The following TBCK variants were observed in gnomAD, a reference collection of about 807,000 sequenced individuals.
TBCK encodes TBC1 domain containing kinase, also known as TBC domain-containing protein kinase-like protein.
A neutral mutation model predicts 113.4 loss-of-function variants in TBCK; 99 were observed. That is an observed-to-expected ratio of 0.87 (90% CI 0.74 to 1.03). The LOEUF (loss-of-function observed/expected upper bound fraction) is 1.03. TBCK is among the 50% of genes least tolerant of loss of function. The pLI is 0.00. For missense variants in TBCK, 1,045 were observed against 1,061.3 expected, an observed-to-expected ratio of 0.98 and a Z score of 0.21; for synonymous variants, 369 against 370.8, an observed-to-expected ratio of 1.00 and a Z score of 0.05.
At chr4:106,100,558 G>C (rs1716403869) in intron 24 of TBCK, among the ~76,000 whole-genome samples, 1 of 151,526 alleles carries the variant, frequency 6.6e-6, no homozygotes, top group South Asian at 2.1e-4. Flanking sequence ...TTTATGACAG[G>C]ATATGAATGA....
chr4:106,272,637 G>A (rs999917792), intron 3 of TBCK, among the ~76,000 whole-genome samples: 1 of 151,414 alleles, frequency 6.6e-6, no homozygotes, highest in Non-Finnish European at 1.5e-5. Flanking sequence ...GACTACAGGC[G>A]CATGCCACCA....
intron 23 of TBCK, among the ~76,000 whole-genome samples, chr4:106,122,684 A>G (rs1744590300): frequency 6.6e-6 from 1 of 152,176 alleles, no homozygotes. Context: ...ACTATCATCA[A>G]GTGGGCTTCA....
At chr4:106,132,639 T>C (rs1309871426) in intron 23 of TBCK, among the ~76,000 whole-genome samples, 1 of 152,176 alleles carries the variant, frequency 6.6e-6, no homozygotes, top group Non-Finnish European at 1.5e-5. Context: ...GAGCTTGCAC[T>C]GTGAGCCTGG....
At chr4:106,074,359 GTATT>G (rs999090487) in intron 25 of TBCK, among the ~76,000 whole-genome samples, 24 of 152,248 alleles carry the variant, frequency 1.6e-4, no homozygotes, top group African/African-American at 5.8e-4. Flanking sequence ...AGATAAAATA[GTATT>G]TATTAAATTT....
intron 23 of TBCK, among the ~76,000 whole-genome samples, chr4:106,130,589 T>C (rs1035518064): frequency 1.4e-5 from 2 of 142,430 alleles, no homozygotes; most frequent in Non-Finnish European, 1.5e-5. Context: ...TTGCGCTAAA[T>C]ACACACACAC....
At chr4:106,199,026 G>C (rs1357337468) in intron 20 of TBCK, among the ~76,000 whole-genome samples, 2 of 152,122 alleles carry the variant, frequency 1.3e-5, no homozygotes, top group African/African-American at 4.8e-5. Flanking sequence ...ATACATGCCA[G>C]ATCTGTGTTA....
At chr4:106,206,884 C>T (rs1232158532) in intron 20 of TBCK, among the ~76,000 whole-genome samples, 1 of 152,110 alleles carries the variant, frequency 6.6e-6, no homozygotes, top group Admixed American at 6.5e-5. Flanking sequence ...TTAGCTTTAT[C>T]TTTAGCTGTG....
At chr4:106,086,881 A>G (rs769817750) in intron 25 of TBCK, among the ~76,000 whole-genome samples, 3 of 152,236 alleles carry the variant, frequency 2.0e-5, no homozygotes, top group Non-Finnish European at 4.4e-5. Flanking sequence ...AAAATTCAGC[A>G]TCCATTCATG....
chr4:106,189,081 T>C (rs1246492453), intron 22 of TBCK, among the ~76,000 whole-genome samples: 1 of 152,168 alleles, frequency 6.6e-6, no homozygotes, highest in Non-Finnish European at 1.5e-5. Context: ...ACCATGCCAA[T>C]ATAAACAAAT....
intron 19 of TBCK, among the ~76,000 whole-genome samples, chr4:106,220,370 C>G (rs1757536490): frequency 6.6e-6 from 1 of 152,200 alleles, no homozygotes; most frequent in African/African-American, 2.4e-5. Flanking sequence ...TCTGGGGCTT[C>G]CCCAGCCATG....
At position 106,308,910 on chromosome 4, in the gene TBCK, C is replaced by T. The variant is rs769087411; in HGVS notation, c.51G>A (p.Ser17=). 56 of 1,613,860 alleles carry T rather than the reference C, an allele frequency of 3.5e-5. No individual in the cohort carries two copies. Among genetic ancestry groups the T allele is most frequent in the Admixed American group, 5.0e-5 (3 of 59,986 alleles). ...AEMGAFTFFA[S]ALPHDVCGSN... is the part of the protein sequence containing the mutation. ...TTCCACAAACATCATGTGGCAGAGC[C>T]GAGGCAAAGAAGGTAAAGGCTCCCA... Residue 17 remains serine (S), a synonymous_variant, in exon 2 of 26, where the codon TCG becomes TCA. Transcript: ENST00000394708.
intron 23 of TBCK, among the ~76,000 whole-genome samples, chr4:106,117,346 T>C (rs1051155678): frequency 6.6e-6 from 1 of 152,214 alleles, no homozygotes; most frequent in Non-Finnish European, 1.5e-5. Flanking sequence ...GGTTCTAATA[T>C]ATGTGTTGGA....
At chr4:106,212,930 T>G in intron 19 of TBCK, 95 bp from the exon 20 acceptor site, 1 of 788,696 alleles carries the variant, frequency 1.3e-6, no homozygotes, top group Non-Finnish European at 2.1e-6. Context: ...TGAATGAGAT[T>G]TAATTTCTCC....
intron 3 of TBCK, among the ~76,000 whole-genome samples, chr4:106,263,285 A>G (rs1189881214): frequency 1.3e-5 from 2 of 151,936 alleles, no homozygotes; most frequent in African/African-American, 4.8e-5. Flanking sequence ...AAAATATTCA[A>G]TCCACAAACA....
chr4:106,072,917 T>G, intron 25 of TBCK, among the ~76,000 whole-genome samples: 1 of 152,234 alleles, frequency 6.6e-6, no homozygotes, highest in Non-Finnish European at 1.5e-5. Context: ...ATGTGTCACA[T>G]AGCTCTCGTG....
At chr4:106,291,263 G>C (rs1765678710) in intron 3 of TBCK, among the ~76,000 whole-genome samples, 1 of 152,092 alleles carries the variant, frequency 6.6e-6, no homozygotes, top group African/African-American at 2.4e-5. Context: ...TCACAGTTTT[G>C]ATAAGCCTAC....
intron 24 of TBCK, among the ~76,000 whole-genome samples, chr4:106,102,345 CAT>C (rs1741655284): frequency 6.6e-6 from 1 of 152,124 alleles, no homozygotes; most frequent in Non-Finnish European, 1.5e-5. Context: ...AAAAACTGAA[CAT>C]AGATTAAAAT....
intron 20 of TBCK, among the ~76,000 whole-genome samples, chr4:106,201,697 A>G (rs1278006306): frequency 2.6e-5 from 4 of 152,034 alleles, no homozygotes; most frequent in African/African-American, 7.2e-5. Flanking sequence ...ATCAATAGGA[A>G]AAACAAAGGA....
At chr4:106,084,490 T>C (rs1351169261) in intron 25 of TBCK, among the ~76,000 whole-genome samples, 1 of 151,202 alleles carries the variant, frequency 6.6e-6, no homozygotes, top group East Asian at 1.9e-4. Flanking sequence ...ACAGGGAAAA[T>C]GGAAACAAGC....
Sources: allele counts gnomAD v4.1 joint callset (sites outside exome capture counted in the v4.1 genomes callset), GRCh38; gene constraint gnomAD v4.1.1; transcripts MANE v1.5; gene names NCBI Gene and HGNC (gene_info 2026-07-23, HGNC 2026-07-21).